Variants in FAT2 observed in about 807,000 individuals in gnomAD.
FAT2 encodes FAT atypical cadherin 2.
Under a neutral mutation model 295.3 loss-of-function variants are expected in FAT2, and 150 were observed. The ratio of observed to expected loss-of-function variants is 0.51; its 90% CI spans 0.44 to 0.58. The LOEUF (loss-of-function observed/expected upper bound fraction) is 0.58, where lower values mean the gene tolerates loss of function less well. Ranked by LOEUF, FAT2 falls within the 20% of genes least tolerant of loss-of-function variation. The pLI, the probability that FAT2 is intolerant of heterozygous loss-of-function variation, is 0.00. For missense variants in FAT2, 4,868 were observed against 5,442.7 expected (o/e 0.89, Z 3.32); for synonymous variants, 2,026 against 2,150.3 (o/e 0.94, Z 1.60).
chr5:151,531,274 G>A lies in FAT2; in HGVS notation c.9811+313C>T, dbSNP rs1465207237. ...TGCAGCCAAGCCGTTTCTGCCTCCT[G>A]CGCTGGGCCTGAGCTGAGACCATGA... On this transcript the variant is annotated intron_variant, in intron 14 of 23. Transcript: ENST00000261800. This position sits in a 1 kb window ranked among gnomAD's most constrained non-coding sequence, Gnocchi z 5.7. Among the ~76,000 whole-genome samples the A allele has an allele frequency of 6.6e-6, 1 of 152,232 alleles. No individual in the cohort carries two copies. Among genetic ancestry groups the A allele is most frequent in the Admixed American group, 6.5e-5 (1 of 15,292 alleles).
intron 1 of FAT2, among the ~76,000 whole-genome samples, chr5:151,585,747 G>A (rs1330118934): frequency 6.6e-6 from 1 of 152,202 alleles, no homozygotes; most frequent in African/African-American, 2.4e-5. Flanking sequence ...GCTTCCAAGA[G>A]TTTGAGCTTC....
intron 9 of FAT2, among the ~76,000 whole-genome samples, chr5:151,548,976 C>T (rs539827928): frequency 3.0e-4 from 46 of 152,246 alleles, no homozygotes; most frequent in Non-Finnish European, 5.4e-4. Context: ...AAGATACATG[C>T]ATGAAGTTAT....
chr5:151,525,014 C>A (rs1480631418), intron 18 of FAT2, among the ~76,000 whole-genome samples: 1 of 152,208 alleles, frequency 6.6e-6, no homozygotes, highest in Admixed American at 6.5e-5. Flanking sequence ...TGGAAAGCCC[C>A]TGGAGACAGG....
At position 151,544,968 on chromosome 5, in the gene FAT2, C is replaced by G; in HGVS notation, c.6159G>C (p.Gln2053His). The change falls in exon 10 of 24, where the codon CAG becomes CAC. Residue 2053 changes from glutamine to histidine, a missense_variant. By Grantham distance (24) the Gln-to-His change is conservative. This residue lies in a region of FAT2 where 3,297 missense variants were observed against 3,669.4 expected (regional missense o/e 0.90). Transcript: ENST00000261800. ...CCTCAATAGAGACTCTGACCAAACC[C>G]TGAGCCACCCGCTGAGGTGTCCGAT... ...RDNRTPQRVAQGLVRVSIEDV... is the reference protein window; with the variant it reads ...RDNRTPQRVAHGLVRVSIEDV... The G allele has an allele frequency of 6.2e-7, 1 of 1,614,178 alleles. No individual in the cohort carries two copies. Among genetic ancestry groups the G allele is most frequent in the Non-Finnish European group, 8.5e-7 (1 of 1,180,030 alleles).
intron 1 of FAT2, among the ~76,000 whole-genome samples, chr5:151,587,594 G>C (rs750772307): frequency 1.3e-5 from 2 of 152,092 alleles, no homozygotes; most frequent in Non-Finnish European, 2.9e-5. Flanking sequence ...CCCAGCTACT[G>C]TCACTCCTCC....
At chr5:151,525,275 A>G (rs1037853646) in intron 18 of FAT2, among the ~76,000 whole-genome samples, 2 of 152,212 alleles carry the variant, frequency 1.3e-5, no homozygotes, top group African/African-American at 4.8e-5. Context: ...AGCAATTCCT[A>G]TGAAACCCAT....
chr5:151,559,049 G>C (rs1757906028), intron 3 of FAT2, among the ~76,000 whole-genome samples: 1 of 152,230 alleles, frequency 6.6e-6, no homozygotes, highest in Non-Finnish European at 1.5e-5. Flanking sequence ...ATGGAATTAA[G>C]TGTAGAAAAA....
rs567826341 is a variant in FAT2, at chr5:151,534,416, G to A, written c.9420C>T (p.Pro3140=). Residue 3140 remains proline (P), a synonymous_variant, in exon 13 of 24, where the codon CCC becomes CCT. Transcript: ENST00000261800. ...TPVAVVFARD[P]DQGANAQVVY... is the part of the protein sequence containing the mutation. Reference sequence around the variant, plus strand: ...AATCCTTCTCAGACTCACCTTGGTCGGGATCCCGGGCAAATACTACAGCCA... The same window carrying A: ...AATCCTTCTCAGACTCACCTTGGTCAGGATCCCGGGCAAATACTACAGCCA... 34 of 1,605,682 alleles carry A rather than the reference G, an allele frequency of 2.1e-5. No homozygotes were observed. Among genetic ancestry groups the A allele is most frequent in the Non-Finnish European group, 2.6e-5 (30 of 1,174,390 alleles).
chr5:151,564,578 C>T (rs572510754), intron 2 of FAT2, among the ~76,000 whole-genome samples: 1 of 152,240 alleles, frequency 6.6e-6, no homozygotes, highest in African/African-American at 2.4e-5. Flanking sequence ...CAGTGATCTG[C>T]CTTTATTCAC....
At chr5:151,582,173 G>C (rs1462720409) in intron 1 of FAT2, among the ~76,000 whole-genome samples, 1 of 152,228 alleles carries the variant, frequency 6.6e-6, no homozygotes, top group Non-Finnish European at 1.5e-5. Flanking sequence ...GGAGCACCCT[G>C]AGTAACCCAA....
chr5:151,551,201 C>T (rs755879829), intron 7 of FAT2, among the ~76,000 whole-genome samples: 4 of 152,184 alleles, frequency 2.6e-5, no homozygotes, highest in Non-Finnish European at 5.9e-5. Context: ...CCATCATCCC[C>T]CTATACCCAT....
chr5:151,586,386 G>A (rs1291948671), intron 1 of FAT2, among the ~76,000 whole-genome samples: 7 of 152,250 alleles, frequency 4.6e-5, no homozygotes, highest in Middle Eastern at 3.4e-3. Context: ...TGCAGGGGCC[G>A]CCCAGGAACA....
rs754331468 is a variant in FAT2, at chr5:151,537,779, C to G, written c.9193+14G>C. On this transcript the variant is annotated intron_variant, in intron 12 of 23. Coordinates refer to ENST00000261800, the MANE Select transcript of FAT2 (RefSeq NM_001447.3). ...AGAAGTTCTTGTTTTGATCCTGCAG[C>G]TCAGGAAACCCACCTGTATGAGGAT... 6.2e-7 allele frequency: 1 copy of G among 1,604,882 alleles called. No homozygotes were observed. Among genetic ancestry groups the G allele is most frequent in the Non-Finnish European group, 8.5e-7 (1 of 1,174,458 alleles).
rs146744828 is a variant in FAT2 at position 151,510,095 on chromosome 5, G to A, written c.11985C>T (p.Cys3995=). The A allele has an allele frequency of 1.2e-6, 2 of 1,614,184 alleles. No individual in the cohort carries two copies. The highest frequency in any genetic ancestry group is 4.5e-5 in the East Asian group (2 of 44,876). ...AGAGGATGCAAGTTCCACCTTCCAG[G>A]CAGGGTGCAAAAGTACAGTTCTCCC... is the stretch of plus-strand genomic sequence containing the variant. ...QGRENCTFAP[C]LEGGTCILSP... is the part of the protein sequence containing the mutation. The change falls in exon 22 of 24, where the codon TGC becomes TGT. Residue 3995 remains cysteine (C), a synonymous_variant. Transcript: ENST00000261800.
intron 4 of FAT2, 76 bp from the exon 5 acceptor site, chr5:151,554,749 A>G (rs1476986928): frequency 8.9e-7 from 1 of 1,126,890 alleles, no homozygotes; most frequent in East Asian, 2.4e-5. Context: ...ACCTGGAAAT[A>G]GTAGTCACTT....
chr5:151,538,026 G>A, intron 11 of FAT2, 80 bp from the exon 12 acceptor site: 1 of 1,310,842 alleles, frequency 7.6e-7, no homozygotes, highest in Admixed American at 2.0e-5. Flanking sequence ...ACTGACTGAG[G>A]GAGGCAGAAG....
intron 3 of FAT2, among the ~76,000 whole-genome samples, chr5:151,559,621 G>A (rs1012095578): frequency 6.6e-6 from 1 of 150,864 alleles, no homozygotes; most frequent in African/African-American, 2.4e-5. Flanking sequence ...TTCTCCCCCT[G>A]TGCCTCTGAA....
Position 151,531,722 on chromosome 5 carries a change from G to T in FAT2, c.9676C>A (p.Gln3226Lys). 6.2e-7 allele frequency: 1 copy of T among 1,613,922 alleles called. No homozygotes were observed. Among genetic ancestry groups the T allele is most frequent in the Non-Finnish European group, 8.5e-7 (1 of 1,179,974 alleles). Residue 3226 changes from glutamine (Q) to lysine (K), a missense_variant, in exon 14 of 24, where the codon CAG (glutamine) becomes AAG (lysine). Physicochemically the swap from Gln to Lys is moderately conservative, Grantham distance 53. Around this residue, in one of 5 missense-constraint regions of FAT2, gnomAD observed 1,046 missense variants for 1,210.1 expected, o/e 0.86. Coordinates refer to ENST00000261800, the MANE Select transcript of FAT2 (RefSeq NM_001447.3). The surrounding 1 kb of genome is among the most constrained non-coding windows in gnomAD (Gnocchi z 5.7). ...CCAGGTGGGGCGTCCTCGGGCACCT[G>T]CACGCTGTGCTCGGTGTTCAGGAAC... ...PVFLNTEHSV[Q>K]VPEDAPPGTE... is the part of the protein sequence containing the mutation.
intron 22 of FAT2, chr5:151,509,760 G>T: frequency 2.5e-6 from 1 of 396,068 alleles, no homozygotes; most frequent in Non-Finnish European, 4.6e-6. Flanking sequence ...GAAATAAAGT[G>T]TGCAATAAAT....
Sources: allele counts gnomAD v4.1 joint callset (sites outside exome capture counted in the v4.1 genomes callset), GRCh38; gene constraint gnomAD v4.1.1; regional missense constraint gnomAD v4.1.1; non-coding constraint Gnocchi (gnomAD v3.1); transcripts MANE v1.5; gene names NCBI Gene and HGNC (gene_info 2026-07-23, HGNC 2026-07-21).